C10orf67: variants seen among roughly 807,000 people sequenced by gnomAD.
The protein encoded by C10orf67 is chromosome 10 open reading frame 67.
Under a neutral mutation model 35.6 loss-of-function variants are expected in C10orf67, and 60 were observed. The ratio of observed to expected loss-of-function variants is 1.68; its 90% confidence interval spans 1.37 to 2.09. The LOEUF (loss-of-function observed/expected upper bound fraction) is 2.09, where lower values mean the gene tolerates loss of function less well. Ranked by LOEUF, C10orf67 falls within the 30% of genes most tolerant of loss-of-function variation. C10orf67 has a pLI of 0.00. For missense variants in C10orf67, 474 were observed against 330.2 expected (o/e 1.44, Z -3.38); for synonymous variants, 167 against 115.8 (o/e 1.44, Z -2.84).
chr10:23,235,458 A>C (rs1191515522), intron 13 of C10orf67, among the ~76,000 whole-genome samples: 1 of 152,240 alleles, frequency 6.6e-6, no homozygotes, highest in Non-Finnish European at 1.5e-5. Context: ...AGAATATATA[A>C]CAAAATGCTA....
intron 6 of C10orf67, 63 bp from the exon 7 acceptor site, chr10:23,290,021 C>T (rs41277410): frequency 2.5e-4 from 179 of 709,900 alleles, no homozygotes; most frequent in African/African-American, 5.1e-4. Context: ...TGTATTTAAA[C>T]GGCCTGCTTC....
At chr10:23,265,323 G>A (rs959844109) in intron 10 of C10orf67, among the ~76,000 whole-genome samples, 4 of 152,166 alleles carry the variant, frequency 2.6e-5, no homozygotes, top group African/African-American at 4.8e-5. Flanking sequence ...GGATGCACAC[G>A]GTGTGCACAA....
chr10:23,310,172 A>AT (rs1844443974), intron 4 of C10orf67, among the ~76,000 whole-genome samples: 1 of 152,122 alleles, frequency 6.6e-6, no homozygotes, highest in Admixed American at 6.5e-5. Context: ...CCATGGCTTT[A>AT]TTTTTTTAAC....
At chr10:23,252,401 A>T (rs981440325) in intron 10 of C10orf67, among the ~76,000 whole-genome samples, 1 of 152,202 alleles carries the variant, frequency 6.6e-6, no homozygotes, top group African/African-American at 2.4e-5. Flanking sequence ...GAAATAATAT[A>T]TTTTAAATTT....
intron 15 of C10orf67, among the ~76,000 whole-genome samples, chr10:23,218,118 T>C (rs774199216): frequency 3.0e-4 from 45 of 152,084 alleles, no homozygotes; most frequent in Non-Finnish European, 5.6e-4. Context: ...GAAGGAAAAA[T>C]TGAGAGACAG....
intron 4 of C10orf67, among the ~76,000 whole-genome samples, chr10:23,304,368 C>G (rs1168280044): frequency 6.6e-6 from 1 of 152,174 alleles, no homozygotes; most frequent in Non-Finnish European, 1.5e-5. Flanking sequence ...CACTGCAGAT[C>G]TTGGGGTGGG....
At chr10:23,244,626 G>A (rs61847282) in intron 12 of C10orf67, among the ~76,000 whole-genome samples, 8,529 of 151,772 alleles carry the variant, frequency 0.056, 336 homozygotes, top group Non-Finnish European at 0.088. Context: ...AAAATACTTA[G>A]GTATAAATTT....
At chr10:23,304,595 C>G (rs1201444468) in intron 4 of C10orf67, among the ~76,000 whole-genome samples, 1 of 152,104 alleles carries the variant, frequency 6.6e-6, no homozygotes, top group Admixed American at 6.6e-5. Flanking sequence ...AGGAGGCACA[C>G]CTTTCTATGT....
chr10:23,289,614 A>G (rs1843653818), intron 7 of C10orf67, among the ~76,000 whole-genome samples: 1 of 152,238 alleles, frequency 6.6e-6, no homozygotes, highest in African/African-American at 2.4e-5. Context: ...CTTAACTGCA[A>G]GCTCATCTTC....
intron 8 of C10orf67, among the ~76,000 whole-genome samples, chr10:23,280,264 T>C (rs954655556): frequency 2.6e-5 from 4 of 152,174 alleles, no homozygotes; most frequent in African/African-American, 4.8e-5. Flanking sequence ...TAGACAAGCA[T>C]GTAACAAAAC....
chr10:23,281,929 T>C, intron 8 of C10orf67, 84 bp downstream of exon 8: 1 of 489,912 alleles, frequency 2.0e-6, no homozygotes, highest in Non-Finnish European at 3.7e-6. Flanking sequence ...CAGGAAACAA[T>C]CACAAATAAA....
intron 7 of C10orf67, among the ~76,000 whole-genome samples, chr10:23,283,549 C>A (rs1284019792): frequency 3.3e-5 from 5 of 152,154 alleles, no homozygotes; most frequent in Non-Finnish European, 5.9e-5. Flanking sequence ...GGCCCTCCAA[C>A]GCACTCAGAA....
At chr10:23,237,930 C>A (rs536431863) in intron 13 of C10orf67, among the ~76,000 whole-genome samples, 59 of 152,276 alleles carry the variant, frequency 3.9e-4, no homozygotes, top group African/African-American at 1.4e-3. Flanking sequence ...GTAAAATATA[C>A]CCCAATAGTA....
At chr10:23,228,011 G>A (rs913128183) in intron 13 of C10orf67, among the ~76,000 whole-genome samples, 3 of 152,004 alleles carry the variant, frequency 2.0e-5, no homozygotes, top group Non-Finnish European at 4.4e-5. Context: ...TGGCCATACC[G>A]CCCAAGGGAA....
At chr10:23,241,124 A>C (rs1324404203) in intron 12 of C10orf67, among the ~76,000 whole-genome samples, 2 of 152,346 alleles carry the variant, frequency 1.3e-5, no homozygotes, top group East Asian at 3.9e-4. Flanking sequence ...ATGCTGAAAC[A>C]ATTTCAAAAT....
chr10:23,220,042 T>C (rs1242049580), intron 15 of C10orf67, among the ~76,000 whole-genome samples: 1 of 152,038 alleles, frequency 6.6e-6, no homozygotes, highest in Non-Finnish European at 1.5e-5. Flanking sequence ...TGTGGTGGTG[T>C]GTGCCTGTAG....
At chr10:23,287,445 C>T (rs1246116936) in intron 7 of C10orf67, among the ~76,000 whole-genome samples, 1 of 152,146 alleles carries the variant, frequency 6.6e-6, no homozygotes, top group Non-Finnish European at 1.5e-5. Flanking sequence ...GAAACTGGAC[C>T]CTTTCCTTAC....
intron 12 of C10orf67, among the ~76,000 whole-genome samples, chr10:23,244,154 G>T (rs181580146): frequency 6.6e-6 from 1 of 152,222 alleles, no homozygotes; most frequent in Non-Finnish European, 1.5e-5. Context: ...GTCTCTCAAA[G>T]TGCTGGGATT....
intron 4 of C10orf67, among the ~76,000 whole-genome samples, chr10:23,312,567 T>A (rs1844538243): frequency 6.6e-6 from 1 of 152,224 alleles, no homozygotes; most frequent in East Asian, 1.9e-4. Context: ...CTCATTGCTA[T>A]AGGAGTGTCA....
Sources: gnomAD v4.1 joint callset for allele counts (sites outside exome capture counted in the v4.1 genomes callset) on GRCh38, gnomAD v4.1.1 for gene constraint, MANE v1.5 for transcripts, NCBI Gene and HGNC (gene_info 2026-07-23, HGNC 2026-07-21) for gene names.